DENND2B: variants seen among roughly 807,000 people sequenced by gnomAD.
DENND2B encodes the protein DENN domain containing 2B.
In DENND2B, 32 loss-of-function variants were observed where a neutral mutation model predicts 116.0. The ratio of observed to expected loss-of-function variants is 0.28; its 90% CI spans 0.21 to 0.37. The LOEUF (loss-of-function observed/expected upper bound fraction) is 0.37, where lower values mean the gene tolerates loss of function less well. DENND2B is among the 10% of genes least tolerant of loss of function. The pLI, the probability that DENND2B is intolerant of heterozygous loss-of-function variation, is 1.00. For synonymous variants in DENND2B, 588 were observed against 583.9 expected (o/e 1.01, Z -0.10); for missense variants, 1,276 against 1,477.7 (o/e 0.86, Z 2.24).
intron 1 of DENND2B, among the ~76,000 whole-genome samples, chr11:8,788,253 C>CA (rs1259950638): frequency 6.6e-6 from 1 of 152,178 alleles, no homozygotes; most frequent in East Asian, 1.9e-4. Flanking sequence ...GGTTACTATG[C>CA]AAAGGGATCC....
intron 1 of DENND2B, among the ~76,000 whole-genome samples, chr11:8,759,639 G>A (rs1010890269): frequency 6.6e-6 from 1 of 152,236 alleles, no homozygotes; most frequent in Admixed American, 6.5e-5. Flanking sequence ...AACATGGTGA[G>A]AGCCAGGAAA....
intron 4 of DENND2B, among the ~76,000 whole-genome samples, chr11:8,724,706 C>A (rs1181256257): frequency 6.6e-6 from 1 of 152,212 alleles, no homozygotes. Context: ...TTCTTCTGAA[C>A]AAGAGGAACT....
chr11:8,910,045 A>G (rs2064296006), intron 1 of DENND2B: 1 of 151,990 alleles, frequency 6.6e-6, no homozygotes, highest in Non-Finnish European at 1.5e-5. Context: ...GTAAGCATTC[A>G]CAGTTCCTTA....
At chr11:8,766,462 C>T (rs974724708) in intron 1 of DENND2B, among the ~76,000 whole-genome samples, 1 of 152,202 alleles carries the variant, frequency 6.6e-6, no homozygotes, top group Admixed American at 6.5e-5. Context: ...AGCCCAGAAG[C>T]CTGCCGGCCA....
intron 1 of DENND2B, among the ~76,000 whole-genome samples, chr11:8,804,106 T>C (rs1382613710): frequency 6.6e-6 from 1 of 152,194 alleles, no homozygotes; most frequent in Non-Finnish European, 1.5e-5. Flanking sequence ...TGAAGCTGGG[T>C]TGACAAGGAC....
exon 1 of DENND2B, chr11:8,910,932 G>GCCCCCCGA (rs1566099779): frequency 1.7e-5 from 1 of 60,522 alleles, no homozygotes. Flanking sequence ...TCAGCCCCCA[G>GCCCCCCGA]CCCCCGACCC....
intron 17 of DENND2B, 28 bp from the exon 18 acceptor site, chr11:8,696,694 T>G: frequency 6.2e-7 from 1 of 1,612,038 alleles, no homozygotes; most frequent in Non-Finnish European, 8.5e-7. Context: ...ATCTTTGAGG[T>G]TCAGGTCAAG....
intron 1 of DENND2B, among the ~76,000 whole-genome samples, chr11:8,889,324 G>A (rs2063997870): frequency 6.6e-6 from 1 of 152,226 alleles, no homozygotes; most frequent in South Asian, 2.1e-4. Flanking sequence ...GAGGGACACA[G>A]AAGACGGGTG....
chr11:8,709,725 T>C (rs1198800741), intron 11 of DENND2B, among the ~76,000 whole-genome samples: 1 of 152,228 alleles, frequency 6.6e-6, no homozygotes, highest in African/African-American at 2.4e-5. Flanking sequence ...ACCTCTGAGT[T>C]TTGACTTTCC....
intron 1 of DENND2B, among the ~76,000 whole-genome samples, chr11:8,801,275 G>C (rs1470438983): frequency 6.6e-6 from 1 of 152,060 alleles, no homozygotes; most frequent in Non-Finnish European, 1.5e-5. Flanking sequence ...ATGCTGACTG[G>C]GGGACGCTTA....
intron 3 of DENND2B, among the ~76,000 whole-genome samples, chr11:8,854,016 A>ATTTT (rs71059187): frequency 0.19 from 11,783 of 62,544 alleles, 2,005 homozygotes; most frequent in Non-Finnish European, 0.26. Flanking sequence ...GCCCCAGTTA[A>ATTTT]TTTTTTTTTT....
At chr11:8,719,505 G>A (rs957414871) in intron 4 of DENND2B, among the ~76,000 whole-genome samples, 1 of 152,216 alleles carries the variant, frequency 6.6e-6, no homozygotes, top group African/African-American at 2.4e-5. Flanking sequence ...CTGTAACACA[G>A]TCATGCTATT....
chr11:8,708,185 T>A (rs2042951805), intron 11 of DENND2B: 2 of 1,269,588 alleles, frequency 1.6e-6, no homozygotes, highest in Non-Finnish European at 1.0e-6. Flanking sequence ...GTCTGTGGAT[T>A]CATAGCCCTG....
intron 4 of DENND2B, among the ~76,000 whole-genome samples, chr11:8,818,224 C>T (rs1662401087): frequency 1.4e-5 from 2 of 147,630 alleles, no homozygotes; most frequent in African/African-American, 2.5e-5. Context: ...GATCACACCA[C>T]CGTACTCCAG....
chr11:8,815,473 T>TGG (rs1198535035), upstream of DENND2B, among the ~76,000 whole-genome samples: 2 of 152,134 alleles, frequency 1.3e-5, no homozygotes, highest in Admixed American at 1.3e-4. Context: ...AACCACCCGA[T>TGG]TACAGGCACA....
intron 1 of DENND2B, among the ~76,000 whole-genome samples, chr11:8,890,291 A>G (rs2064015151): frequency 6.6e-6 from 1 of 152,194 alleles, no homozygotes; most frequent in Non-Finnish European, 1.5e-5. Flanking sequence ...AAAGATGGGG[A>G]AAAAACAGAG....
At chr11:8,810,806 G>GTC (rs34550908), upstream of DENND2B, 12,156 of 140,212 alleles carry the variant, frequency 0.087, 686 homozygotes, top group East Asian at 0.23. Flanking sequence ...CTTTCTCACT[G>GTC]TCTCTCTCTC....
chr11:8,733,391 C>G (rs2048430286), intron 2 of DENND2B, among the ~76,000 whole-genome samples: 1 of 152,228 alleles, frequency 6.6e-6, no homozygotes, highest in Non-Finnish European at 1.5e-5. Context: ...TGACAGAGGA[C>G]AATTTCATTT....
In DENND2B at chr11:8,717,754, C is replaced by T. The variant is rs374152450; in HGVS notation, c.1616G>A (p.Ser539Asn). ...GGGCTGAGTTACCTGTGTGGGCGGG[C>T]TGTTGTACTTCCTGTCCTGAGGACT... ...MWSPQDRKYN[S>N]PPTQLSLKPN... is the part of the protein sequence containing the mutation. The change falls in exon 5 of 20, where the codon AGC becomes AAC. Residue 539 changes from serine (S) to asparagine (N), a missense_variant. Ser to Asn is a conservative substitution (Grantham distance 46). Coordinates refer to ENST00000313726, the MANE Select transcript of DENND2B (RefSeq NM_213618.2). 19 of 1,570,814 alleles carry T rather than the reference C, an allele frequency of 1.2e-5. No homozygotes were observed. In the African/African-American group the frequency reaches 1.2e-4, roughly 10 times the overall value.
Sources: gnomAD v4.1 joint callset for allele counts (sites outside exome capture counted in the v4.1 genomes callset) on GRCh38, gnomAD v4.1.1 for gene constraint, MANE v1.5 for transcripts, NCBI Gene and HGNC (gene_info 2026-07-23, HGNC 2026-07-21) for gene names.